CA9: variants seen among roughly 807,000 people sequenced by gnomAD.
The protein encoded by CA9 is CA-IX.
CA9 carries 43 observed loss-of-function variants against 51.8 expected under a neutral mutation model. That is an observed-to-expected ratio of 0.83 (90% confidence interval 0.65 to 1.07). CA9 has a LOEUF of 1.07. Among genes scored for constraint, CA9 ranks in the 50% least tolerant of loss-of-function variants. The probability of loss-of-function intolerance (pLI) is 0.00; values close to 1 mark genes in which losing one functional copy is unlikely to be tolerated. For synonymous variants in CA9, 253 were observed against 244.2 expected (o/e 1.04, Z -0.34); for missense variants, 574 against 581.4 (o/e 0.99, Z 0.13).
chr9:35,676,131 G>A lies in CA9; in HGVS notation c.672G>A (p.Gln224=), dbSNP rs1176833919. ...LGPGREYRAL[Q]LHLHWGAAGR... ...CCGGGCGGGAGTACCGGGCTCTGCA[G>A]CTGCATCTGCACTGGGGGGCTGCAG... Residue 224 remains glutamine (Q), a synonymous_variant, in exon 4 of 11, where the codon CAG becomes CAA. Coordinates refer to ENST00000378357, the MANE Select transcript of CA9 (RefSeq NM_001216.3). The A allele has an allele frequency of 6.2e-7, 1 of 1,613,574 alleles. No homozygotes were observed. The highest frequency in any genetic ancestry group is 8.5e-7 in the Non-Finnish European group (1 of 1,179,842).
Position 35,674,112 on chromosome 9 carries a change from A to G in CA9, c.153A>G (p.Gly51=). 6.2e-7 allele frequency: 1 copy of G among 1,613,998 alleles called. No homozygotes were observed. The highest frequency in any genetic ancestry group is 8.5e-7 in the Non-Finnish European group (1 of 1,179,952). The change falls in exon 1 of 11, where the codon GGA becomes GGG. Residue 51 remains glycine, a synonymous_variant. Transcript: ENST00000378357. ...PRMQEDSPLG[G]GSSGEDDPLG... is the part of the protein sequence containing the mutation. Reference sequence around the variant, plus strand: ...TGCAGGAGGATTCCCCCTTGGGAGGAGGCTCTTCTGGGGAAGATGACCCAC... The same window carrying G: ...TGCAGGAGGATTCCCCCTTGGGAGGGGGCTCTTCTGGGGAAGATGACCCAC...
chr9:35,675,789 A>AG lies in CA9; in HGVS notation c.463dup (p.Ala155GlyfsTer109). ...ACCCGCCCTGGCCCCGGGTGTCCCC[A>AG]GCCTGCGCGGGCCGCTTCCAGTCCC... On this transcript the variant is annotated frameshift_variant, in exon 3 of 11. Transcript: ENST00000378357. LOFTEE classifies it high-confidence loss of function. 6.2e-7 allele frequency: 1 copy of AG among 1,602,306 alleles called. No individual in the cohort carries two copies. The highest frequency in any genetic ancestry group is 8.5e-7 in the Non-Finnish European group (1 of 1,179,200).
At chr9:35,678,518 T>A (rs1164115029) in intron 6 of CA9, among the ~76,000 whole-genome samples, 1 of 152,056 alleles carries the variant, frequency 6.6e-6, no homozygotes, top group Non-Finnish European at 1.5e-5. Flanking sequence ...ATACTTTTGT[T>A]GGAAATCGTT....
intron 5 of CA9, among the ~76,000 whole-genome samples, chr9:35,677,086 C>T (rs1340871634): frequency 6.6e-6 from 1 of 152,000 alleles, no homozygotes; most frequent in East Asian, 1.9e-4. Context: ...AACTCCTGGC[C>T]TCAAGTGATC....
chr9:35,679,841 C>T lies in CA9; in HGVS notation c.1066-13C>T. The T allele has an allele frequency of 6.3e-7, 1 of 1,587,564 alleles. No homozygotes were observed. Among genetic ancestry groups the T allele is most frequent in the Non-Finnish European group, 8.6e-7 (1 of 1,167,900 alleles). Reference sequence around the variant, plus strand: ...GCCATGAACCCACCCACACTGTCCACTGACCTCCCTAGCTCCACACCCTCT... The same window carrying T: ...GCCATGAACCCACCCACACTGTCCATTGACCTCCCTAGCTCCACACCCTCT... On this transcript the variant is annotated splice_polypyrimidine_tract_variant and intron_variant, in intron 7 of 10. Transcript: ENST00000378357.
chr9:35,674,147 AGGATCT>A lies in CA9; in HGVS notation c.190_195del (p.Asp64_Leu65del). On this transcript the variant is annotated inframe_deletion, in exon 1 of 11. Coordinates refer to ENST00000378357, the MANE Select transcript of CA9 (RefSeq NM_001216.3). ...GGGGAAGATGACCCACTGGGCGAGGAGGATCTGCCCAGTGAAGAGGATTCACCCAGA... is the reference window on the plus strand; with the variant it reads ...GGGGAAGATGACCCACTGGGCGAGGAGCCCAGTGAAGAGGATTCACCCAGA... 9.9e-6 allele frequency: 16 copies of A among 1,614,144 alleles called. No individual in the cohort carries two copies. Among genetic ancestry groups the A allele is most frequent in the Non-Finnish European group, 1.4e-5 (16 of 1,179,996 alleles).
At position 35,677,853 on chromosome 9, in the gene CA9, G is replaced by T. The variant is rs1824455810; in HGVS notation, c.904G>T (p.Glu302Ter). The T allele has an allele frequency of 6.2e-7, 1 of 1,613,848 alleles. No individual in the cohort carries two copies. The highest frequency in any genetic ancestry group is 2.2e-5 in the East Asian group (1 of 44,898). ...LLSRLEEIAE[E>*]GSETQVPGLD... ...GTCTCGCTTGGAAGAAATCGCTGAG[G>T]AAGGTCAGTTTGTTGGTCTGGCCAC... Residue 302 changes from glutamate to a stop codon, truncating the protein, a stop_gained, in exon 6 of 11, where the codon GAA becomes TAA. Coordinates refer to ENST00000378357, the MANE Select transcript of CA9 (RefSeq NM_001216.3). LOFTEE classifies it high-confidence loss of function.
Position 35,676,170 on chromosome 9 carries a change from G to A in CA9, c.711G>A (p.Ser237=), listed in dbSNP as rs1335104367. The part of the protein sequence containing the change: ...LHWGAAGRPG[S]EHTVEGHRFP... Reference sequence around the variant, plus strand: ...GGGGGGCTGCAGGTCGTCCGGGCTCGGAGCACACTGTGGAAGGCCACCGTT... The same window carrying A: ...GGGGGGCTGCAGGTCGTCCGGGCTCAGAGCACACTGTGGAAGGCCACCGTT... The change falls in exon 4 of 11, where the codon TCG becomes TCA. Residue 237 remains serine (S), a synonymous_variant. Coordinates refer to ENST00000378357, the MANE Select transcript of CA9 (RefSeq NM_001216.3). The A allele has an allele frequency of 6.2e-7, 1 of 1,612,300 alleles. No individual in the cohort carries two copies. The highest frequency in any genetic ancestry group is 8.5e-7 in the Non-Finnish European group (1 of 1,179,218).
In CA9 at chr9:35,675,951, G is replaced by A. The variant is rs200017333; in HGVS notation, c.604+20G>A. ...ACAGTGGTGAGGGGGTCTCCCCGCC[G>A]AGACTTGGGGATGGGGCGGGGCGCA... On this transcript the variant is annotated intron_variant, in intron 3 of 10. Coordinates refer to ENST00000378357, the MANE Select transcript of CA9 (RefSeq NM_001216.3). 1.5e-5 allele frequency: 24 copies of A among 1,599,710 alleles called. No individual in the cohort carries two copies. The highest frequency in any genetic ancestry group is 1.9e-5 in the Non-Finnish European group (22 of 1,172,402).
chr9:35,674,001 C>A lies in CA9; in HGVS notation c.42C>A (p.Ile14=), dbSNP rs374429736. The A allele has an allele frequency of 4.0e-5, 64 of 1,611,480 alleles. No homozygotes were observed. The highest frequency in any genetic ancestry group is 5.2e-5 in the Non-Finnish European group (61 of 1,178,668). The change falls in exon 1 of 11, where the codon ATC becomes ATA. Residue 14 remains isoleucine, a synonymous_variant. Transcript: ENST00000378357. The stretch of plus-strand genomic sequence containing the variant: ...CCAGCCCCTGGCTCCCTCTGTTGAT[C>A]CCGGCCCCTGCTCCAGGCCTCACTG... ...LCPSPWLPLL[I]PAPAPGLTVQ...
In CA9 at chr9:35,679,190, G is replaced by A. The variant is rs1361524835; in HGVS notation, c.913G>A (p.Glu305Lys). The A allele has an allele frequency of 6.2e-7, 1 of 1,614,132 alleles. No individual in the cohort carries two copies. Among genetic ancestry groups the A allele is most frequent in the Admixed American group, 1.7e-5 (1 of 60,014 alleles). ...RLEEIAEEGS[E>K]TQVPGLDISA... ...AACATAGATCCTCTTCACAGGCTCA[G>A]AGACTCAGGTCCCAGGACTGGACAT... is the stretch of plus-strand genomic sequence containing the variant. The change falls in exon 7 of 11, where the codon GAG becomes AAG. Residue 305 changes from glutamate (E) to lysine (K), a missense_variant. Coordinates refer to ENST00000378357, the MANE Select transcript of CA9 (RefSeq NM_001216.3).
chr9:35,680,728 C>G (rs563202591), intron 9 of CA9, 25 bp from the exon 10 acceptor site: 7 of 1,605,152 alleles, frequency 4.4e-6, no homozygotes, highest in Non-Finnish European at 6.0e-6. Flanking sequence ...CTTCCCAAAG[C>G]AGCCCTCTCT....
intron 1 of CA9, chr9:35,675,150 C>T (rs1329370325): frequency 9.5e-6 from 2 of 210,232 alleles, no homozygotes; most frequent in East Asian, 1.4e-4. Flanking sequence ...TGCGCCACCA[C>T]GCCCGGCTAA....
chr9:35,674,114 G>A lies in CA9; in HGVS notation c.155G>A (p.Gly52Asp). Residue 52 changes from glycine to aspartate, a missense_variant, in exon 1 of 11, where the codon GGC (glycine) becomes GAC (aspartate). Gly to Asp is a moderately conservative substitution (Grantham distance 94, BLOSUM62 -1). Coordinates refer to ENST00000378357, the MANE Select transcript of CA9 (RefSeq NM_001216.3). ...CAGGAGGATTCCCCCTTGGGAGGAGGCTCTTCTGGGGAAGATGACCCACTG... is the reference window on the plus strand; with the variant it reads ...CAGGAGGATTCCCCCTTGGGAGGAGACTCTTCTGGGGAAGATGACCCACTG... ...RMQEDSPLGG[G>D]SSGEDDPLGE... The A allele has an allele frequency of 6.2e-7, 1 of 1,614,144 alleles. No individual in the cohort carries two copies. The highest frequency in any genetic ancestry group is 8.5e-7 in the Non-Finnish European group (1 of 1,179,990).
intron 5 of CA9, among the ~76,000 whole-genome samples, chr9:35,677,370 A>C (rs910320898): frequency 6.6e-6 from 1 of 152,234 alleles, no homozygotes; most frequent in African/African-American, 2.4e-5. Context: ...TGCAGAGGTG[A>C]CACCAACACA....
Position 35,676,285 on chromosome 9 carries a change from T to C in CA9, c.748-12T>C, listed in dbSNP as rs1225442860. On this transcript the variant is annotated splice_polypyrimidine_tract_variant and intron_variant, in intron 4 of 10. Coordinates refer to ENST00000378357, the MANE Select transcript of CA9 (RefSeq NM_001216.3). ...GAGACGTGGCCCTCTCCTACCCTCGTGTCCTTTTCAGATCCACGTGGTTCA... is the reference window on the plus strand; with the variant it reads ...GAGACGTGGCCCTCTCCTACCCTCGCGTCCTTTTCAGATCCACGTGGTTCA... The C allele has an allele frequency of 6.2e-7, 1 of 1,614,046 alleles. No homozygotes were observed. Among genetic ancestry groups the C allele is most frequent in the South Asian group, 1.1e-5 (1 of 91,088 alleles).
At chr9:35,679,766 G>C in intron 7 of CA9, 88 bp from the exon 8 acceptor site, 2 of 1,295,276 alleles carry the variant, frequency 1.5e-6, no homozygotes, top group Middle Eastern at 2.8e-4. Context: ...GGAGGGTGGA[G>C]CCCTGAGGTG....
At chr9:35,678,695 C>CTTTTTTTTTTTTTTTTTTT (rs746454806) in intron 6 of CA9, among the ~76,000 whole-genome samples, 1 of 129,878 alleles carries the variant, frequency 7.7e-6, no homozygotes, top group African/African-American at 2.9e-5. Flanking sequence ...TTTTTCTTTT[C>CTTTTTTTTTTTTTTTTTTT]TTTTCTTTTT....
At chr9:35,680,684 G>C in intron 9 of CA9, 69 bp from the exon 10 acceptor site, 6 of 1,289,510 alleles carry the variant, frequency 4.7e-6, no homozygotes, top group Non-Finnish European at 6.7e-6. Context: ...AGTGCACTGA[G>C]GCAGGTGTTG....
Sources: allele counts gnomAD v4.1 joint callset (sites outside exome capture counted in the v4.1 genomes callset), GRCh38; gene constraint gnomAD v4.1.1; transcripts MANE v1.5; gene names NCBI Gene and HGNC (gene_info 2026-07-23, HGNC 2026-07-21).